The following THTPA variants were observed in gnomAD, a reference collection of about 807,000 sequenced individuals.
THTPA encodes the protein thiamine-triphosphatase.
Under a neutral mutation model 16.5 loss-of-function variants are expected in THTPA, and 16 were observed. That is an observed-to-expected ratio of 0.97 (90% CI 0.66 to 1.47). The LOEUF is 1.47. Among genes scored for constraint, THTPA ranks in the 40% most tolerant of loss-of-function variants. The pLI is 0.00. For synonymous variants in THTPA, 110 were observed against 115.5 expected (o/e 0.95, Z 0.30); for missense variants, 281 against 280.9 (o/e 1.00, Z 0.00).
chr14:23,554,769 G>C (rs1311593269), upstream of THTPA, among the ~76,000 whole-genome samples: 1 of 152,056 alleles, frequency 6.6e-6, no homozygotes, highest in Non-Finnish European at 1.5e-5. Flanking sequence ...ATACTGGTGA[G>C]AGGGCAGGTG....
the THTPA span, among the ~76,000 whole-genome samples, chr14:23,540,593 A>G: frequency 1.5e-4 from 23 of 152,110 alleles, no homozygotes; most frequent in Non-Finnish European, 2.8e-4. Context: ...TCTATTTTTT[A>G]GGGCAATGGA....
the THTPA span, among the ~76,000 whole-genome samples, chr14:23,520,605 G>A: frequency 6.6e-6 from 1 of 152,190 alleles, no homozygotes; most frequent in Non-Finnish European, 1.5e-5. This position sits in a 1 kb window ranked among gnomAD's most constrained non-coding sequence, Gnocchi z 8.7. Context: ...ACCCAACTCA[G>A]GGAGCGGGGA....
At chr14:23,552,307 T>C (rs1882031082), upstream of THTPA, among the ~76,000 whole-genome samples, 1 of 151,304 alleles carries the variant, frequency 6.6e-6, no homozygotes, top group South Asian at 2.1e-4. Flanking sequence ...TTTTTTTTTT[T>C]TCTGGAGACG....
chr14:23,515,824 G>A, the THTPA span, among the ~76,000 whole-genome samples: 12 of 152,264 alleles, frequency 7.9e-5, no homozygotes, highest in Admixed American at 7.8e-4. Context: ...GAAGAAGCAA[G>A]GTGTTTTCCA....
the THTPA span, among the ~76,000 whole-genome samples, chr14:23,516,124 C>G: frequency 3.7e-3 from 562 of 152,234 alleles, 6 homozygotes; most frequent in African/African-American, 0.012. Context: ...GGTTCTCAAA[C>G]TTCAGAGGGC....
the THTPA span, chr14:23,527,630 C>T: frequency 4.6e-5 from 70 of 1,536,618 alleles, no homozygotes; most frequent in East Asian, 2.7e-4. Context: ...TCAACGCACT[C>T]GGGCACCACG....
the THTPA span, chr14:23,530,144 C>T: frequency 3.9e-6 from 6 of 1,536,018 alleles, no homozygotes; most frequent in East Asian, 1.5e-4. Context: ...TTGTTCTGGG[C>T]ATCTTTCTCA....
chr14:23,559,081 T>C lies in THTPA; in HGVS notation c.*241T>C. The C allele has an allele frequency of 1.9e-6, 1 of 526,302 alleles. No homozygotes were observed. Among genetic ancestry groups the C allele is most frequent in the East Asian group, 3.3e-5 (1 of 30,076 alleles). The allele number at this position is 526,302 out of a possible 1,614,324, so 32.6% of individuals were successfully genotyped here. A position where few individuals can be genotyped will look rare whatever the true frequency, so the allele number is the denominator to read the frequency against. ...TCCCCTGGCCGCTAAGCAGCCTCCATTGATTTCCGCTCGTGTTTATAGGAT... is the reference window on the plus strand; with the variant it reads ...TCCCCTGGCCGCTAAGCAGCCTCCACTGATTTCCGCTCGTGTTTATAGGAT... On this transcript the variant is annotated 3_prime_UTR_variant, in exon 2 of 2. Coordinates refer to ENST00000288014, the MANE Select transcript of THTPA (RefSeq NM_024328.6).
chr14:23,537,305 C>A, the THTPA span, among the ~76,000 whole-genome samples: 1 of 152,172 alleles, frequency 6.6e-6, no homozygotes, highest in South Asian at 2.1e-4. Flanking sequence ...ATACTTCCCC[C>A]AAGGTCCCAG....
At chr14:23,521,939 T>C in the THTPA span, 1 of 1,535,656 alleles carries the variant, frequency 6.5e-7, no homozygotes, top group Non-Finnish European at 8.7e-7. Flanking sequence ...GGCCCTCCCC[T>C]CTCCCCATCT....
the THTPA span, among the ~76,000 whole-genome samples, chr14:23,538,525 A>T: frequency 6.6e-6 from 1 of 151,768 alleles, no homozygotes; most frequent in Non-Finnish European, 1.5e-5. Context: ...GCAGAAACGG[A>T]CAGGCCTAAG....
At chr14:23,528,855 C>G in the THTPA span, 2 of 984,978 alleles carry the variant, frequency 2.0e-6, no homozygotes, top group Non-Finnish European at 2.4e-6. Context: ...ACCTACCCAG[C>G]CTGCATCCAG....
At chr14:23,534,008 G>C in the THTPA span, 1 of 1,537,132 alleles carries the variant, frequency 6.5e-7, no homozygotes, top group South Asian at 1.2e-5. The surrounding 1 kb of genome is among the most constrained non-coding windows in gnomAD (Gnocchi z 4.5). Flanking sequence ...AGGGACATGT[G>C]GCTGGACAGG....
At chr14:23,531,709 T>C in the THTPA span, 101 of 1,360,152 alleles carry the variant, frequency 7.4e-5, 1 homozygote, top group African/African-American at 1.3e-3. Flanking sequence ...GCTCCCTCCA[T>C]GTCCAGCAGA....
At chr14:23,537,760 C>A in the THTPA span, among the ~76,000 whole-genome samples, 1 of 152,160 alleles carries the variant, frequency 6.6e-6, no homozygotes, top group Non-Finnish European at 1.5e-5. Flanking sequence ...AGGTATTCCT[C>A]CTACAGAATC....
At chr14:23,522,156 C>G in the THTPA span, 15 of 1,510,464 alleles carry the variant, frequency 9.9e-6, no homozygotes, top group South Asian at 1.9e-4. Flanking sequence ...GAGGCTAGGG[C>G]TTCACGCCCA....
chr14:23,551,612 G>T, upstream of THTPA: 1 of 153,382 alleles, frequency 6.5e-6, no homozygotes, highest in South Asian at 1.8e-4. The surrounding 1 kb of genome is among the most constrained non-coding windows in gnomAD (Gnocchi z 5.3). Context: ...CTTCGTGAGG[G>T]GGTTTCCATT....
chr14:23,535,626 CTT>C, the THTPA span, among the ~76,000 whole-genome samples: 30 of 151,646 alleles, frequency 2.0e-4, no homozygotes, highest in African/African-American at 7.3e-4. This position sits in a 1 kb window ranked among gnomAD's most constrained non-coding sequence, Gnocchi z 4.5. Flanking sequence ...GAGTTTTGCT[CTT>C]GTTGCCCAGG....
chr14:23,525,939 A>G, the THTPA span: 1 of 1,471,826 alleles, frequency 6.8e-7, no homozygotes, highest in Non-Finnish European at 9.0e-7. This position sits in a 1 kb window ranked among gnomAD's most constrained non-coding sequence, Gnocchi z 5.9. Context: ...GGGGCTGGGA[A>G]TCGGTGCAGG....
Sources: gnomAD v4.1 joint callset for allele counts (sites outside exome capture counted in the v4.1 genomes callset) on GRCh38, gnomAD v4.1.1 for gene constraint, Gnocchi (gnomAD v3.1) non-coding constraint, MANE v1.5 for transcripts, NCBI Gene and HGNC (gene_info 2026-07-23, HGNC 2026-07-21) for gene names.